Variants in TMEM106B observed in about 807,000 individuals in gnomAD.
TMEM106B encodes the protein transmembrane protein 106B.
TMEM106B carries 15 observed loss-of-function variants against 31.1 expected under a neutral mutation model. That is an observed-to-expected ratio of 0.48 (90% CI 0.32 to 0.74). The LOEUF (loss-of-function observed/expected upper bound fraction) is 0.74. TMEM106B is among the 30% of genes least tolerant of loss of function. The pLI is 0.03. For synonymous variants in TMEM106B, 126 were observed against 112.5 expected (o/e 1.12, Z -0.76); for missense variants, 283 against 327.3 (o/e 0.86, Z 1.04).
chr7:12,223,307 TAGTAAG>T (rs748005475), intron 3 of TMEM106B, among the ~76,000 whole-genome samples: 2 of 151,934 alleles, frequency 1.3e-5, no homozygotes, highest in Non-Finnish European at 2.9e-5. Context: ...AGACTAATTA[TAGTAAG>T]AATCATTGAT....
rs1254393199 is a variant in TMEM106B, at chr7:12,235,110, A to T, written c.*3135A>T. The T allele has an allele frequency of 6.6e-6, 1 of 152,336 alleles. No individual in the cohort carries two copies. Among genetic ancestry groups the T allele is most frequent in the Admixed American group, 6.6e-5 (1 of 15,230 alleles). The allele number at this position is 152,336 out of a possible 1,614,324, so 9.4% of individuals were successfully genotyped here. ...ACTGCTGGACTAAGATTTTGGTAGC[A>T]TTGTTTTCTAAAATATTTTAAATGG... On this transcript the variant is annotated 3_prime_UTR_variant, in exon 8 of 8. Transcript: ENST00000396668.
At chr7:12,216,123 T>C (rs1173738205) in intron 2 of TMEM106B, among the ~76,000 whole-genome samples, 1 of 152,174 alleles carries the variant, frequency 6.6e-6, no homozygotes, top group Admixed American at 6.5e-5. Context: ...TTGAGTATGA[T>C]GGTTTTATTT....
rs1782089226 is a variant in TMEM106B at position 12,234,448 on chromosome 7, G to A, written c.*2473G>A. ...TTCAGAGAGAGTTAAGTAACTGTCA[G>A]AATAAGCCTGGAACAAAACAGGCTG... On this transcript the variant is annotated 3_prime_UTR_variant, in exon 8 of 8. Transcript: ENST00000396668. 1 of 151,860 alleles carries A rather than the reference G, an allele frequency of 6.6e-6. No homozygotes were observed. Among genetic ancestry groups the A allele is most frequent in the Non-Finnish European group, 1.5e-5 (1 of 67,788 alleles). 9.4% of individuals were successfully genotyped at this position (151,860 alleles called of 1,614,324 possible).
At chr7:12,223,234 C>T (rs1781822310) in intron 3 of TMEM106B, among the ~76,000 whole-genome samples, 1 of 151,682 alleles carries the variant, frequency 6.6e-6, no homozygotes, top group South Asian at 2.1e-4. Flanking sequence ...CAGAGTTGAT[C>T]AATGTAAAAA....
intron 1 of TMEM106B, among the ~76,000 whole-genome samples, chr7:12,212,799 A>G (rs1013523199): frequency 6.6e-6 from 1 of 152,122 alleles, no homozygotes; most frequent in East Asian, 1.9e-4. Flanking sequence ...AATTTTCTTC[A>G]TACTCTAGGA....
At chr7:12,231,157 ATT>A (rs1364351011) in intron 7 of TMEM106B, 42 bp downstream of exon 7, 1 of 1,463,246 alleles carries the variant, frequency 6.8e-7, no homozygotes, top group East Asian at 2.3e-5. Flanking sequence ...GCTTGTTAAC[ATT>A]TTGGATTTAT....
chr7:12,215,560 ATTC>A (rs1292768740), intron 2 of TMEM106B: 2 of 290,356 alleles, frequency 6.9e-6, no homozygotes, highest in South Asian at 7.1e-5. Context: ...AAGGAAGCTT[ATTC>A]TTTCATGTTA....
In TMEM106B at chr7:12,215,739, T is replaced by C. The variant is rs557802638; in HGVS notation, c.217+712T>C. On this transcript the variant is annotated intron_variant, in intron 2 of 7. Transcript: ENST00000396668. ...GGCCAACCTAATATTTTTAATTCATTATCTAAAGAAGAAGAATAAGCTGGC... is the reference window on the plus strand; with the variant it reads ...GGCCAACCTAATATTTTTAATTCATCATCTAAAGAAGAAGAATAAGCTGGC... The C allele has an allele frequency of 2.7e-4, 58 of 212,042 alleles. No homozygotes were observed. In the Middle Eastern group the frequency reaches 3.0e-3, roughly 11 times the overall value. 13.1% of individuals were successfully genotyped at this position (212,042 alleles called of 1,614,324 possible).
Position 12,240,804 on chromosome 7 carries a change from T to G in TMEM106B, c.*8829T>G, listed in dbSNP as rs1457725273. ...TATGTGACAAAACAGATGCTTTGAT[T>G]TGAGAGCAGAAGACCTGCAGCCCCT... On this transcript the variant is annotated 3_prime_UTR_variant, in exon 8 of 8. Transcript: ENST00000396668. The G allele has an allele frequency of 6.6e-6, 1 of 151,040 alleles. No individual in the cohort carries two copies. The highest frequency in any genetic ancestry group is 1.5e-5 in the Non-Finnish European group (1 of 68,036). The allele number at this position is 151,040 out of a possible 1,614,324, so 9.4% of individuals were successfully genotyped here.
rs1399260057 is a variant in TMEM106B, at chr7:12,211,355, G to T, written c.-73G>T. 1 of 152,338 alleles carries T rather than the reference G, an allele frequency of 6.6e-6. No individual in the cohort carries two copies. The highest frequency in any genetic ancestry group is 2.4e-5 in the African/African-American group (1 of 41,476). The allele number at this position is 152,338 out of a possible 1,614,324, so 9.4% of individuals were successfully genotyped here. A position where few individuals can be genotyped will look rare whatever the true frequency, so the allele number is the denominator to read the frequency against. On this transcript the variant is annotated 5_prime_UTR_variant, in exon 1 of 8. Coordinates refer to ENST00000396668, the MANE Select transcript of TMEM106B (RefSeq NM_001134232.2). ...CCACCCCCCGGCTCCCGGGACTGTG[G>T]ACTCCACGACCCTGTCCTCGGCCCT...
At position 12,235,693 on chromosome 7, in the gene TMEM106B, T is replaced by G. The variant is rs1273169719; in HGVS notation, c.*3718T>G. 6.6e-6 allele frequency: 1 copy of G among 151,920 alleles called. No homozygotes were observed. Among genetic ancestry groups the G allele is most frequent in the African/African-American group, 2.4e-5 (1 of 41,450 alleles). The allele number at this position is 151,920 out of a possible 1,614,324, so 9.4% of individuals were successfully genotyped here. A position where few individuals can be genotyped will look rare whatever the true frequency, so the allele number is the denominator to read the frequency against. ...CATTTTGTTTGTCTTTTAAAGTTCT[T>G]AGAATAAACAGTTCTTTATATAATA... On this transcript the variant is annotated 3_prime_UTR_variant, in exon 8 of 8. Coordinates refer to ENST00000396668, the MANE Select transcript of TMEM106B (RefSeq NM_001134232.2).
At position 12,237,440 on chromosome 7, in the gene TMEM106B, T is replaced by C. The variant is rs1782160172; in HGVS notation, c.*5465T>C. 6.6e-6 allele frequency: 1 copy of C among 152,140 alleles called. No homozygotes were observed. Among genetic ancestry groups the C allele is most frequent in the African/African-American group, 2.4e-5 (1 of 41,430 alleles). 9.4% of individuals were successfully genotyped at this position (152,140 alleles called of 1,614,324 possible). A position where few individuals can be genotyped will look rare whatever the true frequency, so the allele number is the denominator to read the frequency against. On this transcript the variant is annotated 3_prime_UTR_variant, in exon 8 of 8. Transcript: ENST00000396668. ...CCAATCAGTACTCAAGCTTTATCCA[T>C]TCTACCTCTGTAATGTCTCTGGAAT...
rs1279585199 is a variant in TMEM106B, at chr7:12,239,393, A to G, written c.*7418A>G. On this transcript the variant is annotated 3_prime_UTR_variant, in exon 8 of 8. Transcript: ENST00000396668. ...CCCATATCGGCAATAAGGCTGTTTG[A>G]TTTTCTTATCATTCATGTTTTCTGG... 1 of 152,050 alleles carries G rather than the reference A, an allele frequency of 6.6e-6. No homozygotes were observed. The highest frequency in any genetic ancestry group is 1.5e-5 in the Non-Finnish European group (1 of 67,988). The allele number at this position is 152,050 out of a possible 1,614,324, so 9.4% of individuals were successfully genotyped here. A position where few individuals can be genotyped will look rare whatever the true frequency, so the allele number is the denominator to read the frequency against.
rs770051632 is a variant in TMEM106B, at chr7:12,229,778, T to A, written c.541T>A (p.Leu181Ile). 3 of 1,612,374 alleles carry A rather than the reference T, an allele frequency of 1.9e-6. No homozygotes were observed. Among genetic ancestry groups the A allele is most frequent in the Admixed American group, 1.7e-5 (1 of 59,482 alleles). Residue 181 changes from leucine (L) to isoleucine (I), a missense_variant, in exon 5 of 8, where the codon TTA (leucine) becomes ATA (isoleucine). By Grantham distance (5) the Leu-to-Ile change is conservative (BLOSUM62 2). Transcript: ENST00000396668. ...FSKTVIGKAR[L>I]NNITIIGPLD... Reference sequence around the variant, plus strand: ...AAAAACAGTTATTGGAAAGGCACGCTTAAACAACATAACCATTATTGGTCC... The same window carrying A: ...AAAAACAGTTATTGGAAAGGCACGCATAAACAACATAACCATTATTGGTCC...
Position 12,234,558 on chromosome 7 carries a change from G to A in TMEM106B, c.*2583G>A, listed in dbSNP as rs1782091593. The A allele has an allele frequency of 6.6e-6, 1 of 151,796 alleles. No individual in the cohort carries two copies. Among genetic ancestry groups the A allele is most frequent in the Admixed American group, 6.6e-5 (1 of 15,218 alleles). The allele number at this position is 151,796 out of a possible 1,614,324, so 9.4% of individuals were successfully genotyped here. A position where few individuals can be genotyped will look rare whatever the true frequency, so the allele number is the denominator to read the frequency against. On this transcript the variant is annotated 3_prime_UTR_variant, in exon 8 of 8. Transcript: ENST00000396668. ...CTAGAAAGAGTGAATGAGGCTTTTA[G>A]CTTTTCTTAGGTCAATGTCCAGTGT...
intron 5 of TMEM106B, 148 bp downstream of exon 5, chr7:12,229,967 C>T (rs13237518): frequency 7.9e-6 from 7 of 891,276 alleles, no homozygotes; most frequent in African/African-American, 3.5e-5. Context: ...CTGTGATCCC[C>T]GCACCTTGGG....
intron 7 of TMEM106B, 59 bp from the exon 8 acceptor site, chr7:12,231,778 C>A: frequency 7.1e-7 from 1 of 1,405,452 alleles, no homozygotes; most frequent in Non-Finnish European, 9.8e-7. Flanking sequence ...AGTAGTCTCA[C>A]TATGGAAAAA....
In TMEM106B at chr7:12,230,405, C is replaced by T. The variant is rs771468165; in HGVS notation, c.599C>T (p.Pro200Leu). Reference sequence around the variant, plus strand: ...GCCTTTCAGATTGATTACACAGTACCTACCGTTATAGCAGAGGAAATGAGT... The same window carrying T: ...GCCTTTCAGATTGATTACACAGTACTTACCGTTATAGCAGAGGAAATGAGT... ...LDMKQIDYTV[P>L]TVIAEEMSYM... The change falls in exon 6 of 8, where the codon CCT (proline) becomes CTT (leucine). Residue 200 changes from proline (P) to leucine (L), a missense_variant. Physicochemically the swap from Pro to Leu is moderately conservative, Grantham distance 98 (BLOSUM62 -3). This residue lies in a region of TMEM106B where 201 missense variants were observed against 211.5 expected (regional missense o/e 0.95). Coordinates refer to ENST00000396668, the MANE Select transcript of TMEM106B (RefSeq NM_001134232.2). 6 of 1,603,442 alleles carry T rather than the reference C, an allele frequency of 3.7e-6. No homozygotes were observed. Among genetic ancestry groups the T allele is most frequent in the Non-Finnish European group, 4.3e-6 (5 of 1,172,808 alleles).
intron 6 of TMEM106B, chr7:12,230,735 T>C (rs978032941): frequency 9.8e-6 from 3 of 306,776 alleles, no homozygotes; most frequent in Non-Finnish European, 1.8e-5. Context: ...TAATTATAAA[T>C]TTTCATCATC....
Sources: gnomAD v4.1 joint callset for allele counts (sites outside exome capture counted in the v4.1 genomes callset) on GRCh38, gnomAD v4.1.1 for gene constraint, gnomAD v4.1.1 regional missense constraint, MANE v1.5 for transcripts, NCBI Gene and HGNC (gene_info 2026-07-23, HGNC 2026-07-21) for gene names.